Variants in GRB10 observed in about 807,000 individuals in gnomAD.
GRB10 encodes the protein growth factor receptor bound protein 10, also known as growth factor receptor-bound protein 10.
Under a neutral mutation model 80.9 loss-of-function variants are expected in GRB10, and 20 were observed. The observed-to-expected ratio is 0.25, with a 90% confidence interval of 0.17 to 0.36. The LOEUF (loss-of-function observed/expected upper bound fraction) is 0.36, where lower values mean the gene tolerates loss of function less well. GRB10 is among the 10% of genes least tolerant of loss of function. The pLI is 1.00. For synonymous variants in GRB10, 291 were observed against 291.5 expected, an observed-to-expected ratio of 1.00 and a Z score of 0.02; for missense variants, 548 against 747.7, an observed-to-expected ratio of 0.73 and a Z score of 3.12.
chr7:50,713,181 C>G (rs2066160608), intron 4 of GRB10, among the ~76,000 whole-genome samples: 1 of 152,180 alleles, frequency 6.6e-6, no homozygotes, highest in African/African-American at 2.4e-5. Context: ...CCTCCAAGGA[C>G]TATTGAAGAT....
chr7:50,790,050 G>A (rs2078848805), intron 1 of GRB10, among the ~76,000 whole-genome samples: 1 of 152,220 alleles, frequency 6.6e-6, no homozygotes, highest in African/African-American at 2.4e-5. Flanking sequence ...GTGCAGGAAA[G>A]CTCATTTCTC....
chr7:50,617,599 A>G (rs1392477192), intron 10 of GRB10, among the ~76,000 whole-genome samples: 1 of 152,144 alleles, frequency 6.6e-6, no homozygotes, highest in Non-Finnish European at 1.5e-5. Flanking sequence ...AGGTTTCTTT[A>G]TTTGTAATAT....
At chr7:50,731,743 A>G (rs2069769707) in intron 4 of GRB10, among the ~76,000 whole-genome samples, 1 of 152,220 alleles carries the variant, frequency 6.6e-6, no homozygotes, top group Admixed American at 6.5e-5. Context: ...TTGTTCTCCC[A>G]CAAAATTCCA....
chr7:50,686,101 G>A (rs1239682191), intron 5 of GRB10, among the ~76,000 whole-genome samples: 1 of 152,168 alleles, frequency 6.6e-6, no homozygotes, highest in African/African-American at 2.4e-5. Flanking sequence ...CTGAATATCT[G>A]TGTTCTCCCA....
At chr7:50,683,756 C>CA (rs1460339141) in intron 5 of GRB10, among the ~76,000 whole-genome samples, 2 of 129,114 alleles carry the variant, frequency 1.5e-5, no homozygotes, top group Non-Finnish European at 3.5e-5. Flanking sequence ...AAATAAAAAA[C>CA]AAAAAATAAA....
At chr7:50,668,603 A>G (rs1482487324) in intron 7 of GRB10, among the ~76,000 whole-genome samples, 1 of 152,180 alleles carries the variant, frequency 6.6e-6, no homozygotes, top group African/African-American at 2.4e-5. Flanking sequence ...ATGAACATAT[A>G]AATAAACAAA....
At chr7:50,618,182 A>G in intron 9 of GRB10, 43 bp from the exon 10 acceptor site, 1 of 1,426,498 alleles carries the variant, frequency 7.0e-7, no homozygotes, top group Non-Finnish European at 9.9e-7. Context: ...GGTTAGCTTC[A>G]AAGTGAGGGA....
intron 5 of GRB10, among the ~76,000 whole-genome samples, chr7:50,681,225 T>G (rs1187237644): frequency 1.3e-5 from 2 of 152,196 alleles, no homozygotes; most frequent in Non-Finnish European, 2.9e-5. Flanking sequence ...GCTCATGAGC[T>G]GCCTGGCAGG....
chr7:50,625,326 T>A (rs1247338216), intron 8 of GRB10, among the ~76,000 whole-genome samples: 3 of 152,178 alleles, frequency 2.0e-5, no homozygotes, highest in Non-Finnish European at 2.9e-5. Flanking sequence ...GACTTGTGAA[T>A]GGGCTTTCAA....
At chr7:50,638,425 G>T (rs2715112) in intron 7 of GRB10, among the ~76,000 whole-genome samples, 80,069 of 151,976 alleles carry the variant, frequency 0.53, 21,227 homozygotes, top group Admixed American at 0.54. Flanking sequence ...TAAAAAATGG[G>T]CAAAGAACAT....
At position 50,656,589 on chromosome 7, in the gene GRB10, C is replaced by T. The variant is rs567803441; in HGVS notation, c.504+13133G>A. On this transcript the variant is annotated intron_variant, in intron 7 of 18. Coordinates refer to ENST00000401949, the MANE Select transcript of GRB10 (RefSeq NM_001350814.2). ...GCCAGAGGGCTTGCTAAGGTGTCTG[C>T]GGTATTCTGAAGACACAAATCCTGG... Among the ~76,000 whole-genome samples the T allele has an allele frequency of 1.7e-3, 262 of 152,298 alleles. 1 individual carries two copies. Among genetic ancestry groups the T allele is most frequent in the South Asian group, 3.1e-3 (15 of 4,824 alleles).
intron 7 of GRB10, among the ~76,000 whole-genome samples, chr7:50,651,310 G>A (rs1029952111): frequency 6.6e-6 from 1 of 152,178 alleles, no homozygotes; most frequent in African/African-American, 2.4e-5. Flanking sequence ...CCGAGGTCTG[G>A]AGGGAGAACC....
At chr7:50,711,001 G>T in intron 4 of GRB10, 1 of 976,056 alleles carries the variant, frequency 1.0e-6, no homozygotes, top group Non-Finnish European at 1.7e-6. Context: ...CTGGAGAACG[G>T]CACAGAAGGC....
At chr7:50,687,091 T>G (rs1324426803) in intron 5 of GRB10, among the ~76,000 whole-genome samples, 2 of 152,126 alleles carry the variant, frequency 1.3e-5, no homozygotes, top group African/African-American at 4.8e-5. Flanking sequence ...AATCAAGCGG[T>G]AGAATTTTCC....
At chr7:50,687,658 G>T (rs373179908) in intron 5 of GRB10, among the ~76,000 whole-genome samples, 30 of 152,192 alleles carry the variant, frequency 2.0e-4, no homozygotes, top group African/African-American at 7.2e-4. Context: ...CTTCCGCATG[G>T]TGTCTACAAA....
chr7:50,668,606 TAAAC>T (rs2060050620), intron 7 of GRB10, among the ~76,000 whole-genome samples: 1 of 151,986 alleles, frequency 6.6e-6, no homozygotes, highest in Non-Finnish European at 1.5e-5. Flanking sequence ...AACATATAAA[TAAAC>T]AAAAAATAAA....
At chr7:50,785,888 GAAT>G (rs1482629516), upstream of GRB10, among the ~76,000 whole-genome samples, 2 of 152,272 alleles carry the variant, frequency 1.3e-5, no homozygotes, top group East Asian at 3.9e-4. Context: ...TATGAAATAA[GAAT>G]ATTATGCCAT....
chr7:50,598,618 T>C (rs1460074556), intron 17 of GRB10, among the ~76,000 whole-genome samples: 1 of 152,186 alleles, frequency 6.6e-6, no homozygotes, highest in Non-Finnish European at 1.5e-5. Context: ...CATTTCACAA[T>C]GATAAGGGAA....
chr7:50,631,940 A>C (rs2054076342), intron 7 of GRB10, among the ~76,000 whole-genome samples: 1 of 152,126 alleles, frequency 6.6e-6, no homozygotes, highest in African/African-American at 2.4e-5. Flanking sequence ...TTTCTTCTCC[A>C]CTGCAACCCA....
Sources: allele counts gnomAD v4.1 joint callset (sites outside exome capture counted in the v4.1 genomes callset), GRCh38; gene constraint gnomAD v4.1.1; transcripts MANE v1.5; gene names NCBI Gene and HGNC (gene_info 2026-07-23, HGNC 2026-07-21).